Variants in AS3MT observed in about 807,000 individuals in gnomAD.
AS3MT encodes arsenite methyltransferase, also known as S-adenosyl-L-methionine:arsenic(III) methyltransferase.
A neutral mutation model predicts 45.3 loss-of-function variants in AS3MT; 47 were observed. The observed-to-expected ratio is 1.04, with a 90% CI of 0.82 to 1.32. The LOEUF (loss-of-function observed/expected upper bound fraction) is 1.32, where lower values mean the gene tolerates loss of function less well. AS3MT is among the 40% of genes most tolerant of loss of function. The probability of loss-of-function intolerance (pLI) is 0.00; values close to 1 mark genes in which losing one functional copy is unlikely to be tolerated. For synonymous variants in AS3MT, 141 were observed against 152.8 expected, an observed-to-expected ratio of 0.92 and a Z score of 0.57; for missense variants, 396 against 451.1, an observed-to-expected ratio of 0.88 and a Z score of 1.11.
intron 9 of AS3MT, among the ~76,000 whole-genome samples, chr10:102,886,053 C>T (rs954733549): frequency 2.0e-5 from 3 of 151,996 alleles, no homozygotes; most frequent in Non-Finnish European, 4.4e-5. Context: ...CTGTTTGAGT[C>T]TTCTTTTTTT....
intron 9 of AS3MT, among the ~76,000 whole-genome samples, chr10:102,884,250 G>A (rs1456924580): frequency 1.3e-5 from 2 of 152,006 alleles, no homozygotes; most frequent in African/African-American, 4.8e-5. Context: ...AAAGTGCTGG[G>A]ATTACAGGCG....
intron 3 of AS3MT, 142 bp downstream of exon 3, chr10:102,870,353 AC>A: frequency 8.9e-7 from 1 of 1,129,304 alleles, no homozygotes; most frequent in Non-Finnish European, 1.3e-6. Context: ...AAATCTCAGC[AC>A]CCATCATCTT....
In AS3MT at chr10:102,900,747, C is replaced by G. The variant is rs542009468; in HGVS notation, c.*47C>G. 190 of 1,451,548 alleles carry G rather than the reference C, an allele frequency of 1.3e-4. No homozygotes were observed. Among genetic ancestry groups the G allele is most frequent in the Non-Finnish European group, 1.8e-4 (186 of 1,032,686 alleles). The allele number at this position is 1,451,548 out of a possible 1,614,324, so 89.9% of individuals were successfully genotyped here. A position where few individuals can be genotyped will look rare whatever the true frequency, so the allele number is the denominator to read the frequency against. ...CACAGTAGTGGGCAAGAGTGATCTGCATGTTTTTTAACCTGCTTTTCCCCA... is the reference window on the plus strand; with the variant it reads ...CACAGTAGTGGGCAAGAGTGATCTGGATGTTTTTTAACCTGCTTTTCCCCA... On this transcript the variant is annotated 3_prime_UTR_variant, in exon 11 of 11. Coordinates refer to ENST00000369880, the MANE Select transcript of AS3MT (RefSeq NM_020682.4).
chr10:102,898,551 C>T (rs902668681), intron 10 of AS3MT, among the ~76,000 whole-genome samples: 1 of 151,978 alleles, frequency 6.6e-6, no homozygotes. Flanking sequence ...GATCGTGCCA[C>T]TGCACTCCAG....
chr10:102,881,769 T>A lies in AS3MT; in HGVS notation c.885+2778T>A, dbSNP rs1391393141. Reference sequence around the variant, plus strand: ...ATCTATTTTAGAGACAAAGTCTCTCTCTGTCACCCATGCTGGAGTGTAGTG... The same window carrying A: ...ATCTATTTTAGAGACAAAGTCTCTCACTGTCACCCATGCTGGAGTGTAGTG... On this transcript the variant is annotated intron_variant, in intron 9 of 10. Coordinates refer to ENST00000369880, the MANE Select transcript of AS3MT (RefSeq NM_020682.4). This position sits in a 1 kb window ranked among gnomAD's most constrained non-coding sequence, Gnocchi z 4.2. Among the ~76,000 whole-genome samples, 2 of 152,178 alleles carry A rather than the reference T, an allele frequency of 1.3e-5. No individual in the cohort carries two copies. The highest frequency in any genetic ancestry group is 2.9e-5 in the Non-Finnish European group (2 of 68,032).
In AS3MT at chr10:102,888,871, A is replaced by T. The variant is rs1258862466; in HGVS notation, c.886-1673A>T. ...AAACCCTATATATATATATATATAT[A>T]TATATATATATTTTTTTTTTTTTTT... On this transcript the variant is annotated intron_variant, in intron 9 of 10. Coordinates refer to ENST00000369880, the MANE Select transcript of AS3MT (RefSeq NM_020682.4). 9.7e-3 allele frequency among the ~76,000 whole-genome samples: 678 copies of T among 69,624 alleles called. 36 individuals carry two copies. Among genetic ancestry groups the T allele is most frequent in the Middle Eastern group, 0.026 (4 of 152 alleles). 45.7% of individuals were successfully genotyped at this position (69,624 alleles called of 152,430 possible).
At chr10:102,885,933 C>T (rs1425137321) in intron 9 of AS3MT, among the ~76,000 whole-genome samples, 1 of 152,094 alleles carries the variant, frequency 6.6e-6, no homozygotes, top group African/African-American at 2.4e-5. Flanking sequence ...TCCCAAAGTG[C>T]TGGGATTACA....
intron 7 of AS3MT, among the ~76,000 whole-genome samples, 190 bp downstream of exon 7, chr10:102,877,225 C>A (rs577018441): frequency 6.6e-6 from 1 of 152,172 alleles, no homozygotes; most frequent in Admixed American, 6.5e-5. Flanking sequence ...TTTGAGTTAT[C>A]GTTTTCCAAA....
chr10:102,871,093 A>C (rs910995332), intron 3 of AS3MT, among the ~76,000 whole-genome samples: 6 of 152,064 alleles, frequency 3.9e-5, no homozygotes, highest in African/African-American at 1.4e-4. Context: ...AAAATACAAA[A>C]ATTAGCTGGG....
chr10:102,890,711 T>C (rs770262107), intron 10 of AS3MT, 33 bp downstream of exon 10: 19 of 1,584,628 alleles, frequency 1.2e-5, no homozygotes, highest in Non-Finnish European at 1.6e-5. Context: ...GAGAGAACTA[T>C]TTTATTTATT....
chr10:102,879,825 A>G (rs1003645714), intron 9 of AS3MT, among the ~76,000 whole-genome samples: 18 of 151,566 alleles, frequency 1.2e-4, no homozygotes, highest in Non-Finnish European at 2.6e-4. Flanking sequence ...AGTACAATGA[A>G]TACCCACATA....
At chr10:102,890,463 A>G (rs1308243971) in intron 9 of AS3MT, 81 bp from the exon 10 acceptor site, 2 of 1,215,650 alleles carry the variant, frequency 1.6e-6, no homozygotes, top group Non-Finnish European at 1.1e-6. Context: ...GGATGTGGAG[A>G]AAACGATACT....
At chr10:102,900,296 A>G (rs1266117434) in intron 10 of AS3MT, among the ~76,000 whole-genome samples, 1 of 152,226 alleles carries the variant, frequency 6.6e-6, no homozygotes, top group Non-Finnish European at 1.5e-5. Context: ...TTTAAAAGGC[A>G]CGTGCAAATG....
intron 9 of AS3MT, among the ~76,000 whole-genome samples, chr10:102,888,575 C>T: frequency 6.6e-6 from 1 of 151,682 alleles, no homozygotes; most frequent in East Asian, 1.9e-4. Flanking sequence ...GCATGCACCA[C>T]CATGCTCAGC....
intron 10 of AS3MT, among the ~76,000 whole-genome samples, chr10:102,897,167 G>C (rs530830805): frequency 6.6e-6 from 1 of 152,034 alleles, no homozygotes; most frequent in East Asian, 2.0e-4. Flanking sequence ...GGTGGATCAC[G>C]AGGTCAGGAG....
chr10:102,890,193 G>A (rs531064526), intron 9 of AS3MT, among the ~76,000 whole-genome samples: 132 of 151,602 alleles, frequency 8.7e-4, no homozygotes, highest in African/African-American at 2.8e-3. Flanking sequence ...TAGTAGAGAT[G>A]GGGTTTCACT....
intron 9 of AS3MT, among the ~76,000 whole-genome samples, chr10:102,880,224 T>G (rs1844852121): frequency 6.6e-6 from 1 of 152,216 alleles, no homozygotes; most frequent in Non-Finnish European, 1.5e-5. Context: ...GTAAGATTTG[T>G]TTTCTCAAAA....
At position 102,889,801 on chromosome 10, in the gene AS3MT, G is replaced by A. The variant is rs896439718; in HGVS notation, c.886-743G>A. Among the ~76,000 whole-genome samples the A allele has an allele frequency of 8.7e-5, 13 of 149,102 alleles. No homozygotes were observed. The Admixed American group carries it at 8.7e-4, about 10-fold the overall frequency. The stretch of plus-strand genomic sequence containing the variant: ...AGCAATTCTTCTGCCTCAGCCTCCC[G>A]AGTAGCTGGGATTACGGGCATGTGC... On this transcript the variant is annotated intron_variant, in intron 9 of 10. Coordinates refer to ENST00000369880, the MANE Select transcript of AS3MT (RefSeq NM_020682.4).
At chr10:102,873,623 G>A (rs1278586146) in intron 5 of AS3MT, among the ~76,000 whole-genome samples, 1 of 151,996 alleles carries the variant, frequency 6.6e-6, no homozygotes, top group Non-Finnish European at 1.5e-5. Flanking sequence ...CACTATTACT[G>A]TTTGCTGAAT....
Sources: gnomAD v4.1 joint callset for allele counts (sites outside exome capture counted in the v4.1 genomes callset) on GRCh38, gnomAD v4.1.1 for gene constraint, Gnocchi (gnomAD v3.1) non-coding constraint, MANE v1.5 for transcripts, NCBI Gene and HGNC (gene_info 2026-07-23, HGNC 2026-07-21) for gene names.